SVIL: variants seen among roughly 807,000 people sequenced by gnomAD.
SVIL encodes the protein supervillin.
In SVIL, 101 loss-of-function variants were observed where a neutral mutation model predicts 240.4. That is an observed-to-expected ratio of 0.42 (90% CI 0.36 to 0.50). The LOEUF (loss-of-function observed/expected upper bound fraction) is 0.50, where lower values mean the gene tolerates loss of function less well. Ranked by LOEUF, SVIL falls within the 20% of genes least tolerant of loss-of-function variation. SVIL has a pLI of 0.01. For synonymous variants in SVIL, 999 were observed against 1,100.0 expected, an observed-to-expected ratio of 0.91 and a Z score of 1.82; for missense variants, 2,512 against 2,818.7, an observed-to-expected ratio of 0.89 and a Z score of 2.46.
intron 1 of SVIL, among the ~76,000 whole-genome samples, chr10:29,631,216 C>T (rs79511482): frequency 1.3e-5 from 2 of 152,238 alleles, no homozygotes; most frequent in South Asian, 2.1e-4. Flanking sequence ...CAGTGAGGAA[C>T]GATGAGGGTT....
At chr10:29,526,241 T>G (rs1226014373) in intron 13 of SVIL, among the ~76,000 whole-genome samples, 1 of 152,104 alleles carries the variant, frequency 6.6e-6, no homozygotes, top group African/African-American at 2.4e-5. Context: ...CTGGGTCTTA[T>G]CAGCATTTCA....
rs1397876764 is a variant in SVIL, at chr10:29,487,239, T to C, written c.4409A>G (p.Asp1470Gly). Residue 1470 changes from aspartate (D) to glycine (G), a missense_variant, in exon 24 of 38, where the codon GAC becomes GGC. Physicochemically the swap from Asp to Gly is moderately conservative, Grantham distance 94. Transcript: ENST00000355867. ...EPRASALNSGDCFLLLSPHCC... is the reference protein window; with the variant it reads ...EPRASALNSGGCFLLLSPHCC... Reference sequence around the variant, plus strand: ...GTGGGGAGAGAGCAGGAGGAAGCAGTCCCCACTGTTGAGCGCCGAAGCTCG... The same window carrying C: ...GTGGGGAGAGAGCAGGAGGAAGCAGCCCCCACTGTTGAGCGCCGAAGCTCG... 1 of 1,613,956 alleles carries C rather than the reference T, an allele frequency of 6.2e-7. No homozygotes were observed. The highest frequency in any genetic ancestry group is 8.5e-7 in the Non-Finnish European group (1 of 1,180,006).
At chr10:29,690,699 T>A (rs921141262) in intron 1 of SVIL, among the ~76,000 whole-genome samples, 2 of 152,248 alleles carry the variant, frequency 1.3e-5, no homozygotes, top group Non-Finnish European at 2.9e-5. Context: ...GAAAGCATAA[T>A]AATGTATTTA....
intron 16 of SVIL, among the ~76,000 whole-genome samples, chr10:29,513,697 C>T (rs2132494862): frequency 6.6e-6 from 1 of 152,168 alleles, no homozygotes; most frequent in Middle Eastern, 3.4e-3. Flanking sequence ...CATTCTTATC[C>T]ATCTTCTTTA....
intron 17 of SVIL, among the ~76,000 whole-genome samples, chr10:29,499,679 T>C (rs1948725322): frequency 4.6e-5 from 7 of 152,214 alleles, no homozygotes. Context: ...ACATGATTGA[T>C]CTAGAAAACT....
Position 29,725,028 on chromosome 10 carries a change from C to CAAAA in SVIL, c.-400+10719_-400+10722dup, listed in dbSNP as rs1187861054. Among the ~76,000 whole-genome samples, 102 of 40,822 alleles carry CAAAA rather than the reference C, an allele frequency of 2.5e-3. 1 individual carries two copies. The highest frequency in any genetic ancestry group is 0.016 in the Middle Eastern group (1 of 64). The allele number at this position is 40,822 out of a possible 152,430, so 26.8% of individuals were successfully genotyped here. A position where few individuals can be genotyped will look rare whatever the true frequency, so the allele number is the denominator to read the frequency against. ...TGGGCTACAGAGTGAGACCCGGTCT[C>CAAAA]AAAAAAAAAAAAAAAAAAAAAAAAA... On this transcript the variant is annotated intron_variant, in intron 1 of 35. Coordinates refer to the SVIL transcript ENST00000375400.
chr10:29,734,736 C>G (rs1423438850), intron 1 of SVIL, among the ~76,000 whole-genome samples: 1 of 152,158 alleles, frequency 6.6e-6, no homozygotes, highest in Non-Finnish European at 1.5e-5. Context: ...CTGGGTTTCT[C>G]TTCAATACCA....
At chr10:29,508,503 C>T (rs1298123630) in intron 17 of SVIL, 11 of 769,726 alleles carry the variant, frequency 1.4e-5, no homozygotes, top group Non-Finnish European at 2.1e-5. Flanking sequence ...GCAGCATGCA[C>T]GTGCTCACAC....
chr10:29,531,989 T>C lies in SVIL; in HGVS notation c.2009+13A>G. 4 of 1,614,004 alleles carry C rather than the reference T, an allele frequency of 2.5e-6. No homozygotes were observed. In the South Asian group the frequency reaches 4.4e-5, roughly 18 times the overall value. ...CGTTCCTGGATGAGGAAACTGCGCA[T>C]ACGCATGCCTACCTATCCGATTCCT... On this transcript the variant is annotated intron_variant, in intron 9 of 37. Coordinates refer to ENST00000355867, the MANE Select transcript of SVIL (RefSeq NM_021738.3).
At chr10:29,695,096 G>A (rs576508702) in intron 1 of SVIL, among the ~76,000 whole-genome samples, 2 of 152,244 alleles carry the variant, frequency 1.3e-5, no homozygotes, top group Middle Eastern at 3.4e-3. Flanking sequence ...AGAGACCTCC[G>A]GGTCCCAAAG....
rs183362156 is a variant in SVIL at position 29,529,004 on chromosome 10, C to T, written c.2246+701G>A. On this transcript the variant is annotated intron_variant, in intron 12 of 37. Coordinates refer to ENST00000355867, the MANE Select transcript of SVIL (RefSeq NM_021738.3). Reference sequence around the variant, plus strand: ...CAGCCTGGCCAACATGGTGAAACCCCGTCTCTACTAAAAATACAAAAATTA... The same window carrying T: ...CAGCCTGGCCAACATGGTGAAACCCTGTCTCTACTAAAAATACAAAAATTA... Among the ~76,000 whole-genome samples the T allele has an allele frequency of 1.7e-3, 251 of 151,546 alleles. 2 individuals carry two copies. The highest frequency in any genetic ancestry group is 5.5e-3 in the African/African-American group (228 of 41,326).
rs76138189 is a variant in SVIL, at chr10:29,557,465, G to C, written c.-50-2357C>G. Among the ~76,000 whole-genome samples, 30 of 152,170 alleles carry C rather than the reference G, an allele frequency of 2.0e-4. No homozygotes were observed. In the East Asian group the frequency reaches 5.4e-3, roughly 27 times the overall value. On this transcript the variant is annotated intron_variant, in intron 3 of 37. Coordinates refer to ENST00000355867, the MANE Select transcript of SVIL (RefSeq NM_021738.3). ...AGTATCAAAACCGTTAATAAACCGA[G>C]TATCATGTAACTTCCACTGGAAAAA...
At chr10:29,513,172 C>T (rs183290204) in intron 16 of SVIL, among the ~76,000 whole-genome samples, 1 of 152,182 alleles carries the variant, frequency 6.6e-6, no homozygotes, top group Non-Finnish European at 1.5e-5. Flanking sequence ...GCAAGAGAAC[C>T]GTCCCCAGAG....
chr10:29,508,347 G>A (rs1213569973), intron 17 of SVIL: 8 of 1,288,734 alleles, frequency 6.2e-6, no homozygotes, highest in Non-Finnish European at 1.0e-6. Flanking sequence ...CTTACCCAAA[G>A]CAGATTAGAA....
intron 1 of SVIL, among the ~76,000 whole-genome samples, chr10:29,724,726 A>G (rs1322154427): frequency 6.6e-6 from 1 of 152,154 alleles, no homozygotes; most frequent in East Asian, 1.9e-4. Context: ...TTTTGGACTT[A>G]AAAACTGATG....
intron 1 of SVIL, among the ~76,000 whole-genome samples, chr10:29,588,982 C>T (rs1272062982): frequency 3.3e-5 from 5 of 151,820 alleles, no homozygotes; most frequent in Non-Finnish European, 7.4e-5. Context: ...GGAAAAAGCA[C>T]AGGACATTCA....
At chr10:29,516,124 C>T (rs191307286) in intron 16 of SVIL, among the ~76,000 whole-genome samples, 231 of 152,264 alleles carry the variant, frequency 1.5e-3, no homozygotes, top group African/African-American at 5.2e-3. Flanking sequence ...TTTGCCACAC[C>T]GTTTTAGGAA....
intron 17 of SVIL, among the ~76,000 whole-genome samples, chr10:29,510,872 C>T (rs1305304523): frequency 1.7e-5 from 2 of 116,214 alleles, no homozygotes; most frequent in East Asian, 2.0e-4. Context: ...CGGGAAGGAA[C>T]GAACCGAGGG....
chr10:29,516,993 C>T (rs1950245604), intron 16 of SVIL, among the ~76,000 whole-genome samples: 1 of 152,160 alleles, frequency 6.6e-6, no homozygotes, highest in Admixed American at 6.5e-5. Context: ...ACAGGCACCC[C>T]ATAGATCTCT....
Sources: gnomAD v4.1 joint callset for allele counts (sites outside exome capture counted in the v4.1 genomes callset) on GRCh38, gnomAD v4.1.1 for gene constraint, MANE v1.5 for transcripts, NCBI Gene and HGNC (gene_info 2026-07-23, HGNC 2026-07-21) for gene names.